Variants in LARGE1 observed in about 807,000 individuals in gnomAD.
The protein encoded by LARGE1 is xylosyl- and glucuronyltransferase LARGE1.
A neutral mutation model predicts 87.6 loss-of-function variants in LARGE1; 43 were observed. That is an observed-to-expected ratio of 0.49 (90% CI 0.38 to 0.63). The LOEUF (loss-of-function observed/expected upper bound fraction) is 0.63. LARGE1 is among the 30% of genes least tolerant of loss of function. The pLI is 0.00. For synonymous variants in LARGE1, 434 were observed against 394.6 expected, an observed-to-expected ratio of 1.10 and a Z score of -1.18; for missense variants, 802 against 1,000.2, an observed-to-expected ratio of 0.80 and a Z score of 2.67.
intron 1 of LARGE1, among the ~76,000 whole-genome samples, chr22:33,899,838 C>T (rs2146889547): frequency 6.6e-6 from 1 of 152,246 alleles, no homozygotes; most frequent in Non-Finnish European, 1.5e-5. Flanking sequence ...TTGGGCATCT[C>T]AAAGAATACA....
chr22:33,612,642 C>T (rs1422870906), intron 4 of LARGE1, among the ~76,000 whole-genome samples: 4 of 152,146 alleles, frequency 2.6e-5, no homozygotes, highest in Non-Finnish European at 5.9e-5. Flanking sequence ...ATTTACTGCA[C>T]ACCTACTTAA....
At chr22:33,485,269 A>G (rs566204368) in intron 6 of LARGE1, among the ~76,000 whole-genome samples, 4 of 149,194 alleles carry the variant, frequency 2.7e-5, no homozygotes, top group Admixed American at 2.7e-4. Context: ...GCTGGAGTGC[A>G]GTGGCACGAT....
chr22:33,399,109 A>G (rs2065850990), intron 7 of LARGE1, among the ~76,000 whole-genome samples: 1 of 152,066 alleles, frequency 6.6e-6, no homozygotes, highest in South Asian at 2.1e-4. Flanking sequence ...AGCATTAGGT[A>G]TTTGTCCTAA....
chr22:33,742,841 T>C (rs1223918761), intron 2 of LARGE1, among the ~76,000 whole-genome samples: 2 of 152,144 alleles, frequency 1.3e-5, no homozygotes, highest in East Asian at 1.9e-4. Flanking sequence ...CACCTCACTA[T>C]TGGATGTCAC....
intron 6 of LARGE1, among the ~76,000 whole-genome samples, chr22:33,450,465 T>C (rs1272895255): frequency 7.0e-6 from 1 of 143,684 alleles, no homozygotes; most frequent in East Asian, 2.0e-4. Flanking sequence ...AAAAAAAAAT[T>C]AGCCAGGTGT....
chr22:33,765,707 C>CAAAAAAAAAAAA (rs33943950), intron 1 of LARGE1, among the ~76,000 whole-genome samples: 1 of 69,930 alleles, frequency 1.4e-5, no homozygotes, highest in Non-Finnish European at 2.5e-5. Context: ...CTCCATCTCA[C>CAAAAAAAAAAAA]AAAAAAAAAA....
chr22:33,743,604 C>T (rs575273059), intron 2 of LARGE1, among the ~76,000 whole-genome samples: 1 of 152,330 alleles, frequency 6.6e-6, no homozygotes, highest in South Asian at 2.1e-4. Flanking sequence ...GGCTACCCAG[C>T]CGGTGATCTG....
chr22:33,912,262 T>C (rs1440276781), intron 1 of LARGE1, among the ~76,000 whole-genome samples: 1 of 152,114 alleles, frequency 6.6e-6, no homozygotes, highest in Non-Finnish European at 1.5e-5. Context: ...TTAACCTTAC[T>C]CAATAATAAC....
At chr22:33,366,138 T>C (rs574187832) in intron 9 of LARGE1, among the ~76,000 whole-genome samples, 1 of 152,358 alleles carries the variant, frequency 6.6e-6, no homozygotes, top group South Asian at 2.1e-4. Flanking sequence ...ATTTTATGCA[T>C]GGTATGAGAC....
intron 14 of LARGE1, among the ~76,000 whole-genome samples, chr22:33,276,561 AC>A (rs2145825231): frequency 6.6e-6 from 1 of 152,324 alleles, no homozygotes; most frequent in East Asian, 1.9e-4. Flanking sequence ...GGAGCTCAAT[AC>A]GTATCAGTTG....
chr22:33,282,740 A>G (rs1265243968), intron 13 of LARGE1, among the ~76,000 whole-genome samples: 2 of 152,198 alleles, frequency 1.3e-5, no homozygotes, highest in East Asian at 3.8e-4. Context: ...CCCAGGCCTC[A>G]GGGGCTCAAA....
At chr22:33,126,859 G>T in the LARGE1 span, among the ~76,000 whole-genome samples, 1 of 152,240 alleles carries the variant, frequency 6.6e-6, no homozygotes. Context: ...TGTCCCCAAA[G>T]ATATTGGAAG....
At chr22:33,673,791 G>A (rs1039643278) in intron 2 of LARGE1, among the ~76,000 whole-genome samples, 2 of 152,110 alleles carry the variant, frequency 1.3e-5, no homozygotes, top group Admixed American at 6.5e-5. Flanking sequence ...TCTGCTTCCT[G>A]GGTTCTAGGA....
chr22:33,882,218 G>C (rs2064715946), intron 1 of LARGE1, among the ~76,000 whole-genome samples: 1 of 151,988 alleles, frequency 6.6e-6, no homozygotes, highest in Non-Finnish European at 1.5e-5. Context: ...TTTTAGTAGA[G>C]ACGGGGTTTC....
At chr22:33,714,862 G>A (rs879853224) in intron 2 of LARGE1, among the ~76,000 whole-genome samples, 16 of 152,212 alleles carry the variant, frequency 1.1e-4, no homozygotes, top group Non-Finnish European at 1.8e-4. Flanking sequence ...CGTGTGTAAT[G>A]AACATAGGAC....
the LARGE1 span, among the ~76,000 whole-genome samples, chr22:33,107,564 C>G: frequency 4.0e-5 from 6 of 150,804 alleles, no homozygotes; most frequent in Admixed American, 2.0e-4. Context: ...CAAAAAAAAT[C>G]ATTTAAAAAG....
intron 9 of LARGE1, among the ~76,000 whole-genome samples, chr22:33,339,286 T>C (rs1260004205): frequency 4.3e-5 from 5 of 117,190 alleles, no homozygotes; most frequent in African/African-American, 2.3e-4. Flanking sequence ...TGTGTTGTGT[T>C]GGGGTGGGGT....
chr22:33,461,246 T>C (rs1261272469), intron 6 of LARGE1, among the ~76,000 whole-genome samples: 1 of 152,150 alleles, frequency 6.6e-6, no homozygotes, highest in African/African-American at 2.4e-5. Flanking sequence ...TATGATTGTG[T>C]CACCATGCTC....
intron 1 of LARGE1, among the ~76,000 whole-genome samples, chr22:33,773,327 A>G (rs941864863): frequency 2.0e-5 from 3 of 152,182 alleles, no homozygotes; most frequent in African/African-American, 4.8e-5. Context: ...TCAAACAAAC[A>G]TTGAAAATTT....
Sources: gnomAD v4.1 joint callset for allele counts (sites outside exome capture counted in the v4.1 genomes callset) on GRCh38, gnomAD v4.1.1 for gene constraint, MANE v1.5 for transcripts, NCBI Gene and HGNC (gene_info 2026-07-23, HGNC 2026-07-21) for gene names.